The following BCOR variants were observed in gnomAD, a reference collection of about 807,000 sequenced individuals.
BCOR encodes BCL-6 corepressor.
Under a neutral mutation model 86.7 loss-of-function variants are expected in BCOR, and 10 were observed. The observed-to-expected ratio is 0.12, with a 90% CI of 0.07 to 0.20. The LOEUF is 0.20. Among genes scored for constraint, BCOR ranks in the 10% least tolerant of loss-of-function variants. The probability of loss-of-function intolerance (pLI) is 1.00; values close to 1 mark genes in which losing one functional copy is unlikely to be tolerated. For missense variants in BCOR, 1,259 were observed against 1,452.1 expected (o/e 0.87, Z 2.16); for synonymous variants, 611 against 609.0 (o/e 1.00, Z -0.05).
At chrX:40,101,207 G>A (rs370490782), upstream of BCOR, among the ~76,000 whole-genome samples, 15 of 111,316 alleles carry the variant, frequency 1.3e-4, no homozygotes, top group African/African-American at 4.9e-4. Flanking sequence ...CAGGGAGCTG[G>A]GGATGCCGCG....
At chrX:40,105,938 C>G (rs946491965) in intron 1 of BCOR, among the ~76,000 whole-genome samples, 1 of 112,764 alleles carries the variant, frequency 8.9e-6, no homozygotes, top group African/African-American at 3.2e-5. Context: ...CCAGTGTCCG[C>G]CCCCGCTCTC....
chrX:40,169,658 C>T (rs1938578405), intron 1 of BCOR, among the ~76,000 whole-genome samples: 1 of 109,343 alleles, frequency 9.1e-6, no homozygotes, highest in African/African-American at 3.4e-5. Flanking sequence ...ATAGGACAAT[C>T]CCCCCCCTAC....
At chrX:40,169,358 C>G (rs1569202500) in intron 1 of BCOR, among the ~76,000 whole-genome samples, 1 of 111,923 alleles carries the variant, frequency 8.9e-6, no homozygotes, top group Non-Finnish European at 1.9e-5. Flanking sequence ...AATTCGGTGT[C>G]CTTCGAGCCT....
chrX:40,079,121 C>T (rs930397325), intron 1 of BCOR, among the ~76,000 whole-genome samples: 4 of 110,948 alleles, frequency 3.6e-5, no homozygotes, highest in African/African-American at 1.3e-4. Context: ...TTGTCCAGAC[C>T]GGCCATGGCA....
At chrX:40,054,456 C>T (rs1934486414) in intron 12 of BCOR, 123 bp from the exon 13 acceptor site, 3 of 541,255 alleles carry the variant, frequency 5.5e-6, no homozygotes, top group Non-Finnish European at 9.7e-6. Flanking sequence ...TTCCTGTCTT[C>T]CTCTTTCTCA....
intron 1 of BCOR, among the ~76,000 whole-genome samples, chrX:40,103,991 C>T (rs1937122066): frequency 8.9e-6 from 1 of 111,797 alleles, no homozygotes; most frequent in Non-Finnish European, 1.9e-5. Flanking sequence ...AAACCCACCT[C>T]CCCTCCACTG....
intron 1 of BCOR, among the ~76,000 whole-genome samples, chrX:40,121,757 A>T (rs1007141922): frequency 8.9e-6 from 1 of 112,454 alleles, no homozygotes; most frequent in Non-Finnish European, 1.9e-5. Context: ...CAGCTGCATG[A>T]GTATGGGGGA....
In BCOR at chrX:40,097,236, T is replaced by C. The variant is rs1250677588; in HGVS notation, c.-62A>G. On this transcript the variant is annotated 5_prime_UTR_variant, in exon 1 of 15. Transcript: ENST00000378444. Reference sequence around the variant, plus strand: ...TGACCTGAAATCCCCGGTGGGGGAGTAGGCAGGGAGCCTGCGATCCGGCTC... The same window carrying C: ...TGACCTGAAATCCCCGGTGGGGGAGCAGGCAGGGAGCCTGCGATCCGGCTC... 1 of 86,599 alleles carries C rather than the reference T, an allele frequency of 1.2e-5. No individual in the cohort carries two copies. Among genetic ancestry groups the C allele is most frequent in the Non-Finnish European group, 2.2e-5 (1 of 45,866 alleles). The allele number at this position is 86,599 out of a possible 1,213,427, so 7.1% of individuals were successfully genotyped here. A position where few individuals can be genotyped will look rare whatever the true frequency, so the allele number is the denominator to read the frequency against.
chrX:40,171,597 G>A (rs897363327), intron 1 of BCOR, among the ~76,000 whole-genome samples: 3 of 112,857 alleles, frequency 2.7e-5, no homozygotes, highest in Admixed American at 1.9e-4. Flanking sequence ...TGGAAACCGA[G>A]GCACGCAGCC....
intron 11 of BCOR, 59 bp from the exon 12 acceptor site, chrX:40,055,572 G>A: frequency 3.4e-6 from 4 of 1,180,654 alleles, no homozygotes; most frequent in Non-Finnish European, 4.6e-6. Context: ...TTATAAAGCA[G>A]TTGTCTCCTT....
chrX:40,073,066 G>T lies in BCOR; in HGVS notation c.2280C>A (p.Leu760=), dbSNP rs1356351201. 3 of 1,212,077 alleles carry T rather than the reference G, an allele frequency of 2.5e-6. No individual in the cohort carries two copies. The Admixed American group carries it at 6.5e-5, about 26-fold the overall frequency. Residue 760 remains leucine, a synonymous_variant, in exon 4 of 15, where the codon CTC becomes CTA. Coordinates refer to ENST00000378444, the MANE Select transcript of BCOR (RefSeq NM_001123385.2). ...HERARYEDPT[L]RNRFSEILET... is the part of the protein sequence containing the mutation. Reference sequence around the variant, plus strand: ...CCAAAATCTCGGAAAACCGATTCCGGAGGGTTGGGTCCTCGTAACGGGCTC... The same window carrying T: ...CCAAAATCTCGGAAAACCGATTCCGTAGGGTTGGGTCCTCGTAACGGGCTC...
chrX:40,157,490 G>A (rs1174872728), intron 1 of BCOR, among the ~76,000 whole-genome samples: 1 of 112,524 alleles, frequency 8.9e-6, no homozygotes, highest in East Asian at 2.8e-4. Context: ...CGGTGCAAAT[G>A]TTATGCAGAA....
At chrX:40,100,318 A>T (rs1037684240), upstream of BCOR, among the ~76,000 whole-genome samples, 2 of 112,955 alleles carry the variant, frequency 1.8e-5, no homozygotes, top group African/African-American at 6.4e-5. Context: ...GGCCTGGGCC[A>T]GTGTGGAGCC....
chrX:40,089,413 C>T (rs901588631), intron 1 of BCOR, among the ~76,000 whole-genome samples: 4 of 111,735 alleles, frequency 3.6e-5, no homozygotes, highest in African/African-American at 1.3e-4. Flanking sequence ...TTTTCACATA[C>T]TGTCTCCTCT....
intron 10 of BCOR, among the ~76,000 whole-genome samples, chrX:40,060,632 G>A (rs1388717): frequency 0.18 from 20,458 of 111,449 alleles, 1,547 homozygotes; most frequent in African/African-American, 0.21. Context: ...TCCCAATCAT[G>A]CGTAGGAATG....
intron 1 of BCOR, among the ~76,000 whole-genome samples, chrX:40,104,997 G>A (rs1167977955): frequency 2.7e-5 from 3 of 111,032 alleles, no homozygotes; most frequent in Non-Finnish European, 5.7e-5. Context: ...GCCAGGCTCG[G>A]TTCCGCGTTC....
At chrX:40,161,201 T>C (rs1234938598) in intron 1 of BCOR, among the ~76,000 whole-genome samples, 1 of 105,647 alleles carries the variant, frequency 9.5e-6, no homozygotes, top group African/African-American at 3.5e-5. Context: ...TTTTGGGGTT[T>C]TTTTTTGTTT....
At chrX:40,109,900 C>T (rs964845925) in intron 1 of BCOR, among the ~76,000 whole-genome samples, 3 of 111,269 alleles carry the variant, frequency 2.7e-5, no homozygotes, top group Non-Finnish European at 5.7e-5. Context: ...CGGGGGCGGT[C>T]TGCACCCGCC....
At position 40,077,835 on chromosome X, in the gene BCOR, C is replaced by T. The variant is rs794727292; in HGVS notation, c.86+9G>A. ...TCCACTCAGGCCCGGCCCAGATGGGCGCATTCACCTGTCTTCGCTCGCCCC... is the reference window on the plus strand; with the variant it reads ...TCCACTCAGGCCCGGCCCAGATGGGTGCATTCACCTGTCTTCGCTCGCCCC... On this transcript the variant is annotated intron_variant, in intron 2 of 14. Coordinates refer to ENST00000378444, the MANE Select transcript of BCOR (RefSeq NM_001123385.2). The T allele has an allele frequency of 2.5e-6, 3 of 1,207,166 alleles. No individual in the cohort carries two copies. Among genetic ancestry groups the T allele is most frequent in the African/African-American group, 3.5e-5 (2 of 57,365 alleles).
Sources: gnomAD v4.1 joint callset for allele counts (sites outside exome capture counted in the v4.1 genomes callset) on GRCh38, gnomAD v4.1.1 for gene constraint, MANE v1.5 for transcripts, NCBI Gene and HGNC (gene_info 2026-07-23, HGNC 2026-07-21) for gene names.